Variants in CPNE4 observed in about 807,000 individuals in gnomAD.
CPNE4 encodes copine 4.
CPNE4 carries 25 observed loss-of-function variants against 67.9 expected under a neutral mutation model. That is an observed-to-expected ratio of 0.37 (90% CI 0.27 to 0.51). CPNE4 has a LOEUF of 0.51. Ranked by LOEUF, CPNE4 falls within the 20% of genes least tolerant of loss-of-function variation. CPNE4 has a pLI of 0.93. For missense variants in CPNE4, 464 were observed against 690.8 expected (o/e 0.67, Z 3.68); for synonymous variants, 242 against 244.9 (o/e 0.99, Z 0.11).
At chr3:131,629,097 G>T (rs1261866449) in intron 7 of CPNE4, among the ~76,000 whole-genome samples, 1 of 152,132 alleles carries the variant, frequency 6.6e-6, no homozygotes, top group Non-Finnish European at 1.5e-5. Flanking sequence ...CTGGTATGTT[G>T]TGTCTTTGCT....
At chr3:131,996,620 A>T (rs2073301277) in intron 1 of CPNE4, among the ~76,000 whole-genome samples, 1 of 151,950 alleles carries the variant, frequency 6.6e-6, no homozygotes, top group Admixed American at 6.6e-5. Flanking sequence ...CCCTCCACTT[A>T]GATATCATCT....
chr3:131,543,133 A>C (rs1336176539), intron 14 of CPNE4: 2 of 204,852 alleles, frequency 9.8e-6, no homozygotes, highest in Non-Finnish European at 2.0e-5. Flanking sequence ...GAGCTTCTTC[A>C]TTTCTCAAAT....
At chr3:131,916,735 C>A (rs1028176687) in intron 1 of CPNE4, among the ~76,000 whole-genome samples, 1 of 152,142 alleles carries the variant, frequency 6.6e-6, no homozygotes, top group African/African-American at 2.4e-5. Context: ...TAACACGTGT[C>A]TATTAAGCAC....
intron 1 of CPNE4, among the ~76,000 whole-genome samples, chr3:131,995,346 C>T (rs1476424607): frequency 1.3e-5 from 2 of 152,120 alleles, no homozygotes; most frequent in African/African-American, 4.8e-5. Context: ...ACTCCAGTAT[C>T]CAGGCCTTTT....
intron 7 of CPNE4, among the ~76,000 whole-genome samples, chr3:131,617,698 G>A (rs1940239485): frequency 6.6e-6 from 1 of 152,252 alleles, no homozygotes; most frequent in African/African-American, 2.4e-5. Flanking sequence ...TGCACAACAT[G>A]TTGCTATTAT....
intron 7 of CPNE4, among the ~76,000 whole-genome samples, chr3:131,641,272 A>G (rs545512536): frequency 2.6e-5 from 4 of 152,322 alleles, no homozygotes; most frequent in South Asian, 2.1e-4. Context: ...TACATCTGAC[A>G]AAGGACTAAT....
At chr3:131,789,035 C>G (rs58228086) in intron 2 of CPNE4, among the ~76,000 whole-genome samples, 6,261 of 137,242 alleles carry the variant, frequency 0.046, 459 homozygotes, top group African/African-American at 0.16. Flanking sequence ...CACACACACA[C>G]AGAGAGAGAG....
chr3:131,987,758 A>C (rs2073089972), intron 1 of CPNE4, among the ~76,000 whole-genome samples: 1 of 152,140 alleles, frequency 6.6e-6, no homozygotes, highest in Admixed American at 6.6e-5. Context: ...AAAATGCAGA[A>C]CCCATGTAGG....
chr3:131,655,667 G>A (rs1436369320), intron 7 of CPNE4, among the ~76,000 whole-genome samples: 1 of 152,100 alleles, frequency 6.6e-6, no homozygotes, highest in Non-Finnish European at 1.5e-5. Context: ...CAGGGGGGTG[G>A]AGACAAGTAG....
intron 2 of CPNE4, among the ~76,000 whole-genome samples, chr3:131,725,903 T>C (rs1352591397): frequency 6.6e-6 from 1 of 152,258 alleles, no homozygotes; most frequent in East Asian, 1.9e-4. Context: ...CTTCCAGGCC[T>C]TTCTCCTTCA....
chr3:131,879,890 T>C (rs570306982), intron 2 of CPNE4, among the ~76,000 whole-genome samples: 5 of 152,270 alleles, frequency 3.3e-5, no homozygotes, highest in African/African-American at 1.2e-4. Context: ...GGCAGACTCA[T>C]TACCAAAGAT....
In CPNE4 at chr3:131,917,228, A is replaced by G. The variant is rs1214544724; in HGVS notation, c.-1-11784T>C. Among the ~76,000 whole-genome samples, 3 of 152,322 alleles carry G rather than the reference A, an allele frequency of 2.0e-5. No individual in the cohort carries two copies. The East Asian group carries it at 5.8e-4, about 29-fold the overall frequency. ...GTACCTTTATGTCCAATGTGTAATCATGTTTCTGCTAAAAGTTTCCAAGTG... is the reference window on the plus strand; with the variant it reads ...GTACCTTTATGTCCAATGTGTAATCGTGTTTCTGCTAAAAGTTTCCAAGTG... On this transcript the variant is annotated intron_variant, in intron 1 of 15. Transcript: ENST00000429747.
intron 1 of CPNE4, among the ~76,000 whole-genome samples, chr3:131,961,486 C>A (rs1238774289): frequency 1.3e-5 from 2 of 152,156 alleles, no homozygotes; most frequent in Non-Finnish European, 2.9e-5. Flanking sequence ...AGGAATTGAG[C>A]CACACACAGG....
intron 7 of CPNE4, among the ~76,000 whole-genome samples, chr3:131,622,612 A>G (rs1940534607): frequency 6.6e-6 from 1 of 152,162 alleles, no homozygotes; most frequent in South Asian, 2.1e-4. Flanking sequence ...TGTTTAATAT[A>G]TGGGTGCCTA....
At chr3:131,650,712 T>C (rs1293321034) in intron 7 of CPNE4, among the ~76,000 whole-genome samples, 1 of 106,502 alleles carries the variant, frequency 9.4e-6, no homozygotes, top group Non-Finnish European at 1.6e-5. Context: ...GCCACTGCAC[T>C]CCAGCCTGGG....
intron 1 of CPNE4, among the ~76,000 whole-genome samples, chr3:131,927,675 G>GT (rs1427224690): frequency 6.6e-6 from 1 of 152,138 alleles, no homozygotes; most frequent in Non-Finnish European, 1.5e-5. Flanking sequence ...TTTGTCCCCT[G>GT]TGTAAAACAA....
At chr3:131,761,289 C>T (rs1171679142) in intron 2 of CPNE4, among the ~76,000 whole-genome samples, 1 of 149,026 alleles carries the variant, frequency 6.7e-6, no homozygotes, top group Non-Finnish European at 1.5e-5. Flanking sequence ...AATCATAGCT[C>T]ACTGTAGCCT....
intron 1 of CPNE4, among the ~76,000 whole-genome samples, chr3:131,978,062 T>C (rs115584584): frequency 0.049 from 1,676 of 33,874 alleles, 72 homozygotes; most frequent in African/African-American, 0.14. Context: ...TATATAAATA[T>C]ATATAAATAT....
chr3:131,572,784 G>A (rs1937401727), intron 10 of CPNE4, among the ~76,000 whole-genome samples: 1 of 151,914 alleles, frequency 6.6e-6, no homozygotes, highest in African/African-American at 2.4e-5. Context: ...AAGCCTCTGA[G>A]GTATAATTAC....
Sources: allele counts gnomAD v4.1 joint callset (sites outside exome capture counted in the v4.1 genomes callset), GRCh38; gene constraint gnomAD v4.1.1; transcripts MANE v1.5; gene names NCBI Gene and HGNC (gene_info 2026-07-23, HGNC 2026-07-21).